Variants in GPC6 observed in about 807,000 individuals in gnomAD.
GPC6 encodes glypican-6.
In GPC6, 14 loss-of-function variants were observed where a neutral mutation model predicts 55.2. That is an observed-to-expected ratio of 0.25 (90% confidence interval 0.17 to 0.40). The LOEUF (loss-of-function observed/expected upper bound fraction) is 0.40. GPC6 is among the 10% of genes least tolerant of loss of function. GPC6 has a pLI of 1.00. For synonymous variants in GPC6, 278 were observed against 259.6 expected (o/e 1.07, Z -0.68); for missense variants, 641 against 708.5 (o/e 0.90, Z 1.08).
At chr13:93,854,527 T>C (rs895579996) in intron 3 of GPC6, among the ~76,000 whole-genome samples, 9 of 151,746 alleles carry the variant, frequency 5.9e-5, no homozygotes, top group Non-Finnish European at 1.0e-4. Context: ...TCACTGGTAA[T>C]CCACTGAAAT....
intron 2 of GPC6, among the ~76,000 whole-genome samples, chr13:93,704,137 C>T (rs965462031): frequency 1.3e-5 from 2 of 151,876 alleles, no homozygotes; most frequent in South Asian, 2.1e-4. Context: ...AATTATCCCT[C>T]GTGCCCTTCT....
At chr13:93,950,724 C>G (rs1879216763) in intron 3 of GPC6, among the ~76,000 whole-genome samples, 2 of 152,122 alleles carry the variant, frequency 1.3e-5, no homozygotes, top group Middle Eastern at 3.2e-3. Context: ...GTGGTTTCAT[C>G]ATCTGTGACC....
intron 4 of GPC6, among the ~76,000 whole-genome samples, chr13:94,281,373 G>A (rs368674745): frequency 9.7e-4 from 147 of 152,004 alleles, no homozygotes; most frequent in African/African-American, 3.4e-3. Context: ...AACAGGCTCC[G>A]GTGTGTGTTG....
At chr13:94,242,373 A>G (rs963241493) in intron 4 of GPC6, among the ~76,000 whole-genome samples, 1 of 151,962 alleles carries the variant, frequency 6.6e-6, no homozygotes, top group African/African-American at 2.4e-5. Context: ...ATGCCATTTG[A>G]CCCAGCCATC....
chr13:93,951,833 G>A (rs538983369), intron 3 of GPC6, among the ~76,000 whole-genome samples: 4 of 152,122 alleles, frequency 2.6e-5, no homozygotes, highest in African/African-American at 9.6e-5. Context: ...TAACATCCAG[G>A]AAGATTCCTG....
intron 2 of GPC6, among the ~76,000 whole-genome samples, chr13:93,584,897 C>T (rs9589783): frequency 6.6e-6 from 1 of 151,764 alleles, no homozygotes; most frequent in Non-Finnish European, 1.5e-5. Context: ...ACCACATTGC[C>T]CAGACTAGTC....
intron 1 of GPC6, among the ~76,000 whole-genome samples, chr13:93,231,399 A>ATATATATATATATATATATAAG: frequency 3.0e-5 from 1 of 33,208 alleles, no homozygotes; most frequent in Non-Finnish European, 5.2e-5. Context: ...ATATATATGT[A>ATATATATATATATATATATAAG]TATATATATA....
chr13:94,237,451 A>G (rs1388273116), intron 4 of GPC6, among the ~76,000 whole-genome samples: 1 of 152,154 alleles, frequency 6.6e-6, no homozygotes, highest in Non-Finnish European at 1.5e-5. Flanking sequence ...AAACAGATAA[A>G]TAATTAACAC....
chr13:94,104,058 G>C (rs1885966057), intron 4 of GPC6, among the ~76,000 whole-genome samples: 1 of 152,130 alleles, frequency 6.6e-6, no homozygotes, highest in Admixed American at 6.5e-5. Flanking sequence ...ATTAATTTTT[G>C]TACAAGGTGT....
intron 2 of GPC6, among the ~76,000 whole-genome samples, chr13:93,712,974 CA>C (rs1883124676): frequency 6.6e-6 from 1 of 151,210 alleles, no homozygotes; most frequent in Non-Finnish European, 1.5e-5. Flanking sequence ...TATTTTCAAT[CA>C]AAATATAATA....
At chr13:94,262,746 G>C (rs943405561) in intron 4 of GPC6, among the ~76,000 whole-genome samples, 3 of 151,846 alleles carry the variant, frequency 2.0e-5, no homozygotes, top group African/African-American at 7.3e-5. Flanking sequence ...GTAAGGAAAG[G>C]CTACTTTTTA....
At chr13:93,535,469 C>T (rs1425645579) in intron 1 of GPC6, among the ~76,000 whole-genome samples, 2 of 152,068 alleles carry the variant, frequency 1.3e-5, no homozygotes, top group Non-Finnish European at 2.9e-5. Context: ...GCCATAACTG[C>T]TCTGCTGTTG....
At chr13:93,930,218 T>TGCTA (rs971895048) in intron 3 of GPC6, among the ~76,000 whole-genome samples, 5 of 151,470 alleles carry the variant, frequency 3.3e-5, no homozygotes, top group African/African-American at 1.2e-4. Flanking sequence ...CAGGTACTTA[T>TGCTA]GCTAACAGGA....
intron 4 of GPC6, among the ~76,000 whole-genome samples, chr13:94,181,436 G>A (rs1298091665): frequency 6.6e-6 from 1 of 152,038 alleles, no homozygotes; most frequent in Non-Finnish European, 1.5e-5. Flanking sequence ...CGATATAGTT[G>A]GATGTAATAT....
At chr13:94,053,002 T>C (rs950956218) in intron 4 of GPC6, among the ~76,000 whole-genome samples, 20 of 152,050 alleles carry the variant, frequency 1.3e-4, no homozygotes, top group African/African-American at 4.8e-4. Context: ...TCACATCACC[T>C]CCCGTTTTCT....
chr13:93,578,058 T>A (rs1238137588), intron 2 of GPC6, among the ~76,000 whole-genome samples: 1 of 152,128 alleles, frequency 6.6e-6, no homozygotes, highest in Admixed American at 6.6e-5. Context: ...TCCCAGTTGA[T>A]CCTAGTGAAT....
intron 4 of GPC6, among the ~76,000 whole-genome samples, chr13:94,215,644 T>C (rs1054728883): frequency 2.0e-5 from 3 of 152,082 alleles, no homozygotes; most frequent in African/African-American, 4.8e-5. Flanking sequence ...TCAATAAGAA[T>C]TACCAGGACT....
intron 4 of GPC6, among the ~76,000 whole-genome samples, chr13:94,256,592 C>T (rs572198529): frequency 5.9e-5 from 9 of 152,178 alleles, no homozygotes; most frequent in Non-Finnish European, 8.8e-5. Context: ...AGCTCAGGCA[C>T]TACATTCTCC....
intron 1 of GPC6, among the ~76,000 whole-genome samples, chr13:93,280,708 G>A (rs899939831): frequency 6.6e-6 from 1 of 152,248 alleles, no homozygotes; most frequent in African/African-American, 2.4e-5. Flanking sequence ...ATTTTTTAAG[G>A]CAGTGGTCCC....
Sources: gnomAD v4.1 joint callset for allele counts (sites outside exome capture counted in the v4.1 genomes callset) on GRCh38, gnomAD v4.1.1 for gene constraint, MANE v1.5 for transcripts, NCBI Gene and HGNC (gene_info 2026-07-23, HGNC 2026-07-21) for gene names.